Variants in C1orf167 observed in about 807,000 individuals in gnomAD.
C1orf167 encodes chromosome 1 open reading frame 167, also known as uncharacterized protein C1orf167.
C1orf167 carries 153 observed loss-of-function variants against 176.5 expected under a neutral mutation model. The observed-to-expected ratio is 0.87, with a 90% CI of 0.76 to 0.99. The LOEUF is 0.99. Among genes scored for constraint, C1orf167 ranks in the 50% least tolerant of loss-of-function variants. The pLI, the probability that C1orf167 is intolerant of heterozygous loss-of-function variation, is 0.00. For missense variants in C1orf167, 1,490 were observed against 1,817.7 expected (o/e 0.82, Z 3.28); for synonymous variants, 594 against 752.7 (o/e 0.79, Z 3.45).
chr1:11,783,293 G>C (rs1437851101), intron 14 of C1orf167, among the ~76,000 whole-genome samples: 1 of 152,162 alleles, frequency 6.6e-6, no homozygotes, highest in Non-Finnish European at 1.5e-5. Flanking sequence ...TGTTGCCCAG[G>C]TTGGAGTGCA....
At position 11,784,212 on chromosome 1, in the gene C1orf167, G is replaced by A. The variant is rs1175119001; in HGVS notation, c.3044G>A (p.Gly1015Glu). ...TGGTGTGAGGTTGTAAGAGACACGG[G>A]GGTGCTCCGGGCCCAGCATCAAGCC... ...QAWCEVVRDT[G>E]VLRAQHQAFQ... The change falls in exon 15 of 21, where the codon GGG becomes GAG. Residue 1015 changes from glycine (G) to glutamate (E), a missense_variant. Coordinates refer to ENST00000688073, the MANE Select transcript of C1orf167 (RefSeq NM_001010881.2). The A allele has an allele frequency of 6.3e-6, 8 of 1,271,732 alleles. No homozygotes were observed. The highest frequency in any genetic ancestry group is 8.2e-6 in the Non-Finnish European group (8 of 971,744). 78.8% of individuals were successfully genotyped at this position (1,271,732 alleles called of 1,614,324 possible).
Position 11,778,719 on chromosome 1 carries a change from T to G in C1orf167, c.2399T>G (p.Leu800Trp), listed in dbSNP as rs545727889. The G allele has an allele frequency of 7.7e-7, 1 of 1,303,952 alleles. No homozygotes were observed. The highest frequency in any genetic ancestry group is 5.6e-5 in the East Asian group (1 of 17,990). The allele number at this position is 1,303,952 out of a possible 1,614,324, so 80.8% of individuals were successfully genotyped here. A position where few individuals can be genotyped will look rare whatever the true frequency, so the allele number is the denominator to read the frequency against. The change falls in exon 11 of 21, where the codon TTG (leucine) becomes TGG (tryptophan). Residue 800 changes from leucine (L) to tryptophan (W), a missense_variant. Coordinates refer to ENST00000688073, the MANE Select transcript of C1orf167 (RefSeq NM_001010881.2). The part of the protein sequence containing the change: ...MLQRSLRWWH[L>W]RALGPDATSS... ...CAGCGCAGCCTGAGATGGTGGCACT[T>G]GAGGGCACTGGGCCCAGATGCCACA...
chr1:11,788,153 C>A lies in C1orf167; in HGVS notation c.3853C>A (p.Arg1285Ser), dbSNP rs762678203. The A allele has an allele frequency of 7.8e-7, 1 of 1,286,306 alleles. No homozygotes were observed. Among genetic ancestry groups the A allele is most frequent in the Non-Finnish European group, 1.0e-6 (1 of 974,890 alleles). 79.7% of individuals were successfully genotyped at this position (1,286,306 alleles called of 1,614,324 possible). The stretch of plus-strand genomic sequence containing the variant: ...AGCTGGGCCCTCTCTGGCCAGTGCT[C>A]GTTCCTGCAGGATCCTGGAAAAGCA... ...SKAHKRRLRARSCRILEKQAQ... is the reference protein window; with the variant it reads ...SKAHKRRLRASSCRILEKQAQ... The change falls in exon 19 of 21, where the codon CGT becomes AGT. Residue 1285 changes from arginine to serine, a missense_variant. Coordinates refer to ENST00000688073, the MANE Select transcript of C1orf167 (RefSeq NM_001010881.2).
At chr1:11,770,739 G>A (rs2100282911) in intron 6 of C1orf167, among the ~76,000 whole-genome samples, 1 of 151,186 alleles carries the variant, frequency 6.6e-6, no homozygotes, top group South Asian at 2.1e-4. Context: ...TGGGATTATA[G>A]ACGTGAGCCA....
At position 11,787,965 on chromosome 1, in the gene C1orf167, AG is replaced by A. The variant is rs1335476888; in HGVS notation, c.3769del (p.Asp1257ThrfsTer49). The A allele has an allele frequency of 4.6e-6, 6 of 1,304,250 alleles. No homozygotes were observed. Among genetic ancestry groups the A allele is most frequent in the Non-Finnish European group, 6.1e-6 (6 of 988,918 alleles). 80.8% of individuals were successfully genotyped at this position (1,304,250 alleles called of 1,614,324 possible). ...GGTCCCAGGCCTGCCCCTGTGGACG[AG>A]GGACCAGGGACCAAGAGCGCACTCC... ...SWVPGLPLWT[R>X]DQGPRAHSSP... On this transcript the variant is annotated frameshift_variant, in exon 18 of 21. Coordinates refer to ENST00000688073, the MANE Select transcript of C1orf167 (RefSeq NM_001010881.2). LOFTEE classifies it high-confidence loss of function.
rs1017170499 is a variant in C1orf167 at position 11,769,265 on chromosome 1, C to A, written c.1697+138C>A. The A allele has an allele frequency of 9.8e-6, 7 of 715,610 alleles. No homozygotes were observed. The African/African-American group carries it at 1.4e-4, about 14-fold the overall frequency. The allele number at this position is 715,610 out of a possible 1,614,324, so 44.3% of individuals were successfully genotyped here. ...CAAAGATTTATGCAAAAAAGATGTC[C>A]ATCATGGCATCATTTATAATTGTAA... On this transcript the variant is annotated intron_variant, in intron 6 of 20. Coordinates refer to ENST00000688073, the MANE Select transcript of C1orf167 (RefSeq NM_001010881.2).
intron 13 of C1orf167, among the ~76,000 whole-genome samples, chr1:11,780,322 CATT>C (rs1643535396): frequency 1.3e-5 from 2 of 152,226 alleles, no homozygotes; most frequent in South Asian, 4.1e-4. Context: ...AACTCTTACA[CATT>C]GTGCTATGAA....
At chr1:11,763,910 T>C (rs1285037505) in intron 1 of C1orf167, among the ~76,000 whole-genome samples, 1 of 151,960 alleles carries the variant, frequency 6.6e-6, no homozygotes, top group Non-Finnish European at 1.5e-5. Context: ...GGATTTTTGT[T>C]TGAGCCACCA....
At position 11,764,398 on chromosome 1, in the gene C1orf167, C is replaced by T; in HGVS notation, c.-3C>T. Reference sequence around the variant, plus strand: ...GACCAAGGATACTCCTGTCCCTGAGCCCATGGAGCTAAGGTCTGATGCCAG... The same window carrying T: ...GACCAAGGATACTCCTGTCCCTGAGTCCATGGAGCTAAGGTCTGATGCCAG... On this transcript the variant is annotated 5_prime_UTR_variant, in exon 2 of 21. Coordinates refer to ENST00000688073, the MANE Select transcript of C1orf167 (RefSeq NM_001010881.2). The T allele has an allele frequency of 7.8e-7, 1 of 1,289,354 alleles. No individual in the cohort carries two copies. Among genetic ancestry groups the T allele is most frequent in the Non-Finnish European group, 1.0e-6 (1 of 988,828 alleles). The allele number at this position is 1,289,354 out of a possible 1,614,324, so 79.9% of individuals were successfully genotyped here.
rs896060543 is a variant in C1orf167, at chr1:11,785,319, G to A, written c.3567+30G>A. 3.9e-5 allele frequency: 49 copies of A among 1,254,768 alleles called. No homozygotes were observed. In the Middle Eastern group the frequency reaches 6.6e-4, roughly 17 times the overall value. The allele number at this position is 1,254,768 out of a possible 1,614,324, so 77.7% of individuals were successfully genotyped here. Reference sequence around the variant, plus strand: ...GCCCCAAGCCCCAGACTGACCTCACGCTCTGGCCCCGGATGGCCAGCAGGG... The same window carrying A: ...GCCCCAAGCCCCAGACTGACCTCACACTCTGGCCCCGGATGGCCAGCAGGG... On this transcript the variant is annotated intron_variant, in intron 16 of 20. Coordinates refer to ENST00000688073, the MANE Select transcript of C1orf167 (RefSeq NM_001010881.2).
chr1:11,788,823 C>T (rs887720880), intron 20 of C1orf167, 77 bp downstream of exon 20: 37 of 1,217,966 alleles, frequency 3.0e-5, no homozygotes, highest in Middle Eastern at 2.3e-4. Flanking sequence ...GCCACAGCCA[C>T]GCACCGTGGA....
At chr1:11,762,530 G>A (rs1642560871) in intron 1 of C1orf167, among the ~76,000 whole-genome samples, 1 of 152,192 alleles carries the variant, frequency 6.6e-6, no homozygotes, top group Admixed American at 6.5e-5. Flanking sequence ...GTCAACTTGG[G>A]CAAGAGGGGA....
chr1:11,779,800 A>T lies in C1orf167; in HGVS notation c.2652-2A>T. ...CCTCAGGGTGGACCCTCCCTTTCCCAGCATCTTCCTCAGCTGGAGCCGCTG... is the reference window on the plus strand; with the variant it reads ...CCTCAGGGTGGACCCTCCCTTTCCCTGCATCTTCCTCAGCTGGAGCCGCTG... On this transcript the variant is annotated splice_acceptor_variant, in intron 12 of 20. Transcript: ENST00000688073. LOFTEE classifies it high-confidence loss of function. The T allele has an allele frequency of 7.7e-7, 1 of 1,299,666 alleles. No homozygotes were observed. Among genetic ancestry groups the T allele is most frequent in the Non-Finnish European group, 1.0e-6 (1 of 986,438 alleles). 80.5% of individuals were successfully genotyped at this position (1,299,666 alleles called of 1,614,324 possible).
At position 11,785,224 on chromosome 1, in the gene C1orf167, G is replaced by T; in HGVS notation, c.3502G>T (p.Glu1168Ter). The part of the protein sequence containing the change: ...RAILTQLRPA[E>*]LRRFLRTVQL... Reference sequence around the variant, plus strand: ...CATCCTCACCCAGCTCCGGCCGGCTGAGCTCAGGCGCTTCCTGCGGACAGT... The same window carrying T: ...CATCCTCACCCAGCTCCGGCCGGCTTAGCTCAGGCGCTTCCTGCGGACAGT... Residue 1168 changes from glutamate to a stop codon, truncating the protein, a stop_gained, in exon 16 of 21, where the codon GAG (glutamate) becomes TAG (stop). Transcript: ENST00000688073. LOFTEE classifies it high-confidence loss of function. The T allele has an allele frequency of 7.7e-7, 1 of 1,291,654 alleles. No individual in the cohort carries two copies. Among genetic ancestry groups the T allele is most frequent in the Non-Finnish European group, 1.0e-6 (1 of 988,814 alleles). 80.0% of individuals were successfully genotyped at this position (1,291,654 alleles called of 1,614,324 possible).
At position 11,788,695 on chromosome 1, in the gene C1orf167, A is replaced by G. The variant is rs915502191; in HGVS notation, c.4122A>G (p.Ala1374=). The G allele has an allele frequency of 7.7e-7, 1 of 1,304,288 alleles. No individual in the cohort carries two copies. The highest frequency in any genetic ancestry group is 1.0e-6 in the Non-Finnish European group (1 of 988,954). 80.8% of individuals were successfully genotyped at this position (1,304,288 alleles called of 1,614,324 possible). A position where few individuals can be genotyped will look rare whatever the true frequency, so the allele number is the denominator to read the frequency against. Residue 1374 remains alanine (A), a synonymous_variant, in exon 20 of 21, where the codon GCA becomes GCG. Transcript: ENST00000688073. ...AGATGGGCCTGGCAGACGTGGTGGC[A>G]GCGGATCCTGCGACTGCGAGTGGCT... is the stretch of plus-strand genomic sequence containing the variant. The part of the protein sequence containing the change: ...APEMGLADVV[A]ADPATASGSA...
chr1:11,783,474 C>T (rs1311384734), intron 14 of C1orf167, among the ~76,000 whole-genome samples: 3 of 151,880 alleles, frequency 2.0e-5, no homozygotes, highest in Admixed American at 6.6e-5. Flanking sequence ...CTCGAACTCC[C>T]GACCTCAGGT....
chr1:11,779,260 T>A, intron 12 of C1orf167, 180 bp downstream of exon 12: 1 of 414,588 alleles, frequency 2.4e-6, no homozygotes, highest in Non-Finnish European at 3.8e-6. Context: ...GGTGAGGCAC[T>A]CTACAGAGTC....
rs1263891078 is a variant in C1orf167, at chr1:11,768,173, G to A, written c.1440G>A (p.Gln480=). 7.0e-6 allele frequency: 9 copies of A among 1,287,982 alleles called. No homozygotes were observed. The East Asian group carries it at 3.9e-4, about 56-fold the overall frequency. 79.8% of individuals were successfully genotyped at this position (1,287,982 alleles called of 1,614,324 possible). A position where few individuals can be genotyped will look rare whatever the true frequency, so the allele number is the denominator to read the frequency against. ...AAAAVALGRW[Q]LLRKCLQALW... is the part of the protein sequence containing the mutation. Reference sequence around the variant, plus strand: ...CGGCAGTGGCACTGGGCCGCTGGCAGCTGTTGCGAAAGTGCCTTCAGGCCT... The same window carrying A: ...CGGCAGTGGCACTGGGCCGCTGGCAACTGTTGCGAAAGTGCCTTCAGGCCT... The change falls in exon 5 of 21, where the codon CAG becomes CAA. Residue 480 remains glutamine, a synonymous_variant. Transcript: ENST00000688073. This position sits in a 1 kb window ranked among gnomAD's most constrained non-coding sequence, Gnocchi z 4.5.
intron 10 of C1orf167, 140 bp downstream of exon 10, chr1:11,776,778 T>C: frequency 1.2e-6 from 1 of 833,294 alleles, no homozygotes; most frequent in Non-Finnish European, 1.6e-6. Context: ...CCCGTGGCCC[T>C]GCACAGGGCC....
Sources: allele counts gnomAD v4.1 joint callset (sites outside exome capture counted in the v4.1 genomes callset), GRCh38; gene constraint gnomAD v4.1.1; non-coding constraint Gnocchi (gnomAD v3.1); transcripts MANE v1.5; gene names NCBI Gene and HGNC (gene_info 2026-07-23, HGNC 2026-07-21).